Variants in GPC5 observed in about 807,000 individuals in gnomAD.
GPC5 encodes the protein glypican-5.
In GPC5, 47 loss-of-function variants were observed where a neutral mutation model predicts 53.9. That is an observed-to-expected ratio of 0.87 (90% CI 0.69 to 1.11). The LOEUF (loss-of-function observed/expected upper bound fraction) is 1.11. GPC5 is among the 50% of genes most tolerant of loss of function. The pLI is 0.00. For missense variants in GPC5, 748 were observed against 713.1 expected, an observed-to-expected ratio of 1.05 and a Z score of -0.56; for synonymous variants, 286 against 263.3, an observed-to-expected ratio of 1.09 and a Z score of -0.84.
chr13:92,247,265 A>G (rs1262851974), intron 7 of GPC5, among the ~76,000 whole-genome samples: 1 of 152,150 alleles, frequency 6.6e-6, no homozygotes, highest in South Asian at 2.1e-4. Context: ...AGTGACATCT[A>G]TCTGAAATGG....
intron 7 of GPC5, among the ~76,000 whole-genome samples, chr13:92,529,755 G>A (rs1240676591): frequency 6.6e-6 from 1 of 152,034 alleles, no homozygotes; most frequent in Admixed American, 6.5e-5. Flanking sequence ...TCACACCATA[G>A]AACTAGTCAT....
At chr13:91,877,659 C>T (rs1270790786) in intron 5 of GPC5, among the ~76,000 whole-genome samples, 3 of 152,150 alleles carry the variant, frequency 2.0e-5, no homozygotes, top group Non-Finnish European at 4.4e-5. Context: ...TGCCTTGTCT[C>T]AGATGAGACT....
intron 6 of GPC5, among the ~76,000 whole-genome samples, chr13:91,917,280 C>G (rs1462829813): frequency 1.3e-5 from 2 of 152,218 alleles, no homozygotes; most frequent in Admixed American, 1.3e-4. Context: ...TTAAAGTTCC[C>G]AATGATCTCC....
chr13:91,687,060 A>C (rs547354855), intron 2 of GPC5, among the ~76,000 whole-genome samples: 1 of 152,154 alleles, frequency 6.6e-6, no homozygotes, highest in East Asian at 1.9e-4. Context: ...AAGTTAAAAC[A>C]TTCATATATC....
chr13:92,034,542 G>A (rs977632769), intron 6 of GPC5, among the ~76,000 whole-genome samples: 6 of 151,898 alleles, frequency 4.0e-5, no homozygotes, highest in African/African-American at 7.3e-5. Flanking sequence ...TAAAAAATAC[G>A]GTAAAGTTAA....
chr13:92,195,103 C>T (rs2042248192), intron 7 of GPC5, among the ~76,000 whole-genome samples: 4 of 152,156 alleles, frequency 2.6e-5, no homozygotes, highest in Admixed American at 2.0e-4. Context: ...AATCAAGCCA[C>T]TAAGACTGCA....
chr13:92,402,341 C>G (rs1250157442), intron 7 of GPC5, among the ~76,000 whole-genome samples: 1 of 152,150 alleles, frequency 6.6e-6, no homozygotes, highest in African/African-American at 2.4e-5. Context: ...TAAGCAGTGA[C>G]ATAGAACCTT....
chr13:91,705,328 T>C (rs866424426), intron 3 of GPC5, among the ~76,000 whole-genome samples: 2 of 152,176 alleles, frequency 1.3e-5, no homozygotes, highest in African/African-American at 2.4e-5. Context: ...CTTTCAAAAA[T>C]TGGGGCCTGC....
intron 7 of GPC5, among the ~76,000 whole-genome samples, chr13:92,323,110 G>A (rs2043226582): frequency 6.6e-6 from 1 of 151,220 alleles, no homozygotes; most frequent in African/African-American, 2.4e-5. Context: ...TCTGAGGGAA[G>A]TGGTATAATG....
At position 92,858,967 on chromosome 13, in the gene GPC5, G is replaced by A. The variant is rs569734568; in HGVS notation, c.1562-7315G>A. The stretch of plus-strand genomic sequence containing the variant: ...TTAAAATAAATTATTCTGACCTGGT[G>A]TGTGGCTCACACCTATAATCCCAAC... On this transcript the variant is annotated intron_variant, in intron 7 of 7. Coordinates refer to ENST00000377067, the MANE Select transcript of GPC5 (RefSeq NM_004466.6). Among the ~76,000 whole-genome samples the A allele has an allele frequency of 3.3e-5, 5 of 152,202 alleles. No homozygotes were observed. In the South Asian group the frequency reaches 1.0e-3, roughly 32 times the overall value.
At chr13:92,682,165 A>T (rs1009676796) in intron 7 of GPC5, among the ~76,000 whole-genome samples, 4 of 152,218 alleles carry the variant, frequency 2.6e-5, no homozygotes, top group African/African-American at 9.6e-5. Context: ...GACTGATTCA[A>T]CTGAAGTTTC....
rs145841913 is a variant in GPC5 at position 91,906,498 on chromosome 13, A to G, written c.1281-1439A>G. 9.3e-4 allele frequency among the ~76,000 whole-genome samples: 141 copies of G among 152,238 alleles called. 1 individual carries two copies. The highest frequency in any genetic ancestry group is 1.7e-3 in the South Asian group (8 of 4,830). Reference sequence around the variant, plus strand: ...TATATTACACTATTCTGCCAGGCAAATAAGAGTATTTATATTGCTGAAATC... The same window carrying G: ...TATATTACACTATTCTGCCAGGCAAGTAAGAGTATTTATATTGCTGAAATC... On this transcript the variant is annotated intron_variant, in intron 5 of 7. Coordinates refer to ENST00000377067, the MANE Select transcript of GPC5 (RefSeq NM_004466.6).
chr13:92,030,517 G>T (rs1475219602), intron 6 of GPC5, among the ~76,000 whole-genome samples: 1 of 151,936 alleles, frequency 6.6e-6, no homozygotes, highest in Admixed American at 6.6e-5. Flanking sequence ...TCTCCCCAAA[G>T]TTCCTTAAAG....
intron 7 of GPC5, among the ~76,000 whole-genome samples, chr13:92,850,441 A>T (rs1053731811): frequency 3.9e-5 from 6 of 152,146 alleles, no homozygotes; most frequent in Non-Finnish European, 8.8e-5. Context: ...CCCTACTAAA[A>T]ATACAAAAAT....
intron 7 of GPC5, among the ~76,000 whole-genome samples, chr13:92,562,365 C>T (rs1459451524): frequency 6.6e-6 from 1 of 152,042 alleles, no homozygotes. Flanking sequence ...ACTCTCAGTC[C>T]TTCTGGTGCC....
chr13:92,694,783 T>C (rs1453142631), intron 7 of GPC5, among the ~76,000 whole-genome samples: 1 of 152,158 alleles, frequency 6.6e-6, no homozygotes, highest in African/African-American at 2.4e-5. Flanking sequence ...CATGATTGTG[T>C]TTTGAAATGT....
rs377696620 is a variant in GPC5, at chr13:91,916,686, G to A, written c.1401+8629G>A. On this transcript the variant is annotated intron_variant, in intron 6 of 7. Coordinates refer to ENST00000377067, the MANE Select transcript of GPC5 (RefSeq NM_004466.6). ...AGAGGTTTAATTGACTCACAGTTGT[G>A]CATTGCTGGGGGGTCCTCAGGAACC... Among the ~76,000 whole-genome samples the A allele has an allele frequency of 1.1e-3, 171 of 152,292 alleles. 7 individuals are homozygous for A. The South Asian group carries it at 0.03, about 27-fold the overall frequency.
intron 6 of GPC5, among the ~76,000 whole-genome samples, chr13:91,967,846 A>G (rs1269110705): frequency 6.6e-6 from 1 of 152,044 alleles, no homozygotes; most frequent in Admixed American, 6.5e-5. Flanking sequence ...AGAGAGCTCC[A>G]TTTCTGTCAC....
At chr13:91,826,225 C>T (rs2138845076) in intron 5 of GPC5, among the ~76,000 whole-genome samples, 1 of 151,964 alleles carries the variant, frequency 6.6e-6, no homozygotes, top group South Asian at 2.1e-4. Flanking sequence ...CAGATAAAGA[C>T]TTTAAAGCAG....
Sources: allele counts gnomAD v4.1 joint callset (sites outside exome capture counted in the v4.1 genomes callset), GRCh38; gene constraint gnomAD v4.1.1; transcripts MANE v1.5; gene names NCBI Gene and HGNC (gene_info 2026-07-23, HGNC 2026-07-21).